The following NOS3 variants were observed in gnomAD, a reference collection of about 807,000 sequenced individuals.
The protein encoded by NOS3 is nitric oxide synthase 3.
In NOS3, 98 loss-of-function variants were observed where a neutral mutation model predicts 144.9. The ratio of observed to expected loss-of-function variants is 0.68; its 90% CI spans 0.57 to 0.80. NOS3 has a LOEUF of 0.80. Ranked by LOEUF, NOS3 falls within the 30% of genes least tolerant of loss-of-function variation. NOS3 has a pLI of 0.00. For missense variants in NOS3, 1,465 were observed against 1,656.4 expected, an observed-to-expected ratio of 0.88 and a Z score of 2.01; for synonymous variants, 714 against 702.4, an observed-to-expected ratio of 1.02 and a Z score of -0.26.
rs1350625137 is a variant in NOS3 at position 151,013,765 on chromosome 7, G to A, written c.3297G>A (p.Glu1099=). 1.2e-6 allele frequency: 2 copies of A among 1,611,310 alleles called. No homozygotes were observed. Among genetic ancestry groups the A allele is most frequent in the African/African-American group, 2.7e-5 (2 of 74,914 alleles). The change falls in exon 26 of 27, where the codon GAG becomes GAA. Residue 1099 remains glutamate (E), a synonymous_variant. Coordinates refer to ENST00000297494, the MANE Select transcript of NOS3 (RefSeq NM_000603.5). ...QDILRTELAA[E]VHRVLCLERG... ...TCCTGAGGACGGAGCTGGCTGCGGAGGTGCACCGCGTGCTGTGCCTCGAGC... is the reference window on the plus strand; with the variant it reads ...TCCTGAGGACGGAGCTGGCTGCGGAAGTGCACCGCGTGCTGTGCCTCGAGC...
Position 151,008,952 on chromosome 7 carries a change from T to C in NOS3, c.2135T>C (p.Val712Ala). Residue 712 changes from valine (V) to alanine (A), a missense_variant, in exon 18 of 27, where the codon GTG (valine) becomes GCG (alanine). This residue lies in a region of NOS3 where 745 missense variants were observed against 853.9 expected (regional missense o/e 0.87). Coordinates refer to ENST00000297494, the MANE Select transcript of NOS3 (RefSeq NM_000603.5). ...AFQAACETFCVGEDAKAAARD... is the reference protein window; with the variant it reads ...AFQAACETFCAGEDAKAAARD... ...CAGGCCGCCTGTGAGACCTTCTGTG[T>C]GGGAGAGGATGCCAAGGCCGCCGCC... is the stretch of plus-strand genomic sequence containing the variant. The C allele has an allele frequency of 3.1e-6, 5 of 1,610,230 alleles. No homozygotes were observed. Among genetic ancestry groups the C allele is most frequent in the Non-Finnish European group, 4.2e-6 (5 of 1,179,006 alleles).
In NOS3 at chr7:151,002,383, A is replaced by AACACACAC. The variant is rs3138808; in HGVS notation, c.1752+142_1752+149dup. 746 of 271,072 alleles carry AACACACAC rather than the reference A, an allele frequency of 2.8e-3. 50 individuals carry two copies. Among genetic ancestry groups the AACACACAC allele is most frequent in the African/African-American group, 5.4e-3 (132 of 24,522 alleles). The allele number at this position is 271,072 out of a possible 1,614,324, so 16.8% of individuals were successfully genotyped here. A position where few individuals can be genotyped will look rare whatever the true frequency, so the allele number is the denominator to read the frequency against. On this transcript the variant is annotated intron_variant, in intron 14 of 26. Coordinates refer to ENST00000297494, the MANE Select transcript of NOS3 (RefSeq NM_000603.5). This position sits in a 1 kb window ranked among gnomAD's most constrained non-coding sequence, Gnocchi z 4.1. ...AGTGACTGGGCAGGAACCTCTGCCC[A>AACACACAC]ACACACACACACACACACACACACA...
Position 151,003,705 on chromosome 7 carries a change from C to G in NOS3, c.1752+1401C>G, listed in dbSNP as rs1563223821. On this transcript the variant is annotated intron_variant, in intron 14 of 26. Coordinates refer to ENST00000297494, the MANE Select transcript of NOS3 (RefSeq NM_000603.5). The surrounding 1 kb of genome is among the most constrained non-coding windows in gnomAD (Gnocchi z 4.1). ...TGTCACCACAGAATAGTTTCGCCTG[C>G]TCTAGAACGGCACCTAGATGGAAGC... 1.8e-6 allele frequency: 1 copy of G among 548,338 alleles called. No homozygotes were observed. The highest frequency in any genetic ancestry group is 2.3e-5 in the Admixed American group (1 of 42,632). 34.0% of individuals were successfully genotyped at this position (548,338 alleles called of 1,614,324 possible).
Position 151,006,971 on chromosome 7 carries a change from A to G in NOS3, c.1903A>G (p.Asn635Asp). ...SWRRKRKESS[N>D]TDSAGALGTL... Reference sequence around the variant, plus strand: ...GCGGCGGAAGAGGAAGGAGTCCAGTAACACAGACAGTGCAGGGGCCCTGGG... The same window carrying G: ...GCGGCGGAAGAGGAAGGAGTCCAGTGACACAGACAGTGCAGGGGCCCTGGG... Residue 635 changes from asparagine to aspartate, a missense_variant, in exon 16 of 27, where the codon AAC (asparagine) becomes GAC (aspartate). Physicochemically the swap from Asn to Asp is conservative, Grantham distance 23. This residue lies in a region of NOS3 where 745 missense variants were observed against 853.9 expected (regional missense o/e 0.87). Coordinates refer to ENST00000297494, the MANE Select transcript of NOS3 (RefSeq NM_000603.5). 6.2e-7 allele frequency: 1 copy of G among 1,614,136 alleles called. No individual in the cohort carries two copies. The highest frequency in any genetic ancestry group is 1.3e-5 in the African/African-American group (1 of 75,044).
chr7:150,995,269 G>A lies in NOS3; in HGVS notation c.225G>A (p.Glu75=). 1 of 1,611,528 alleles carries A rather than the reference G, an allele frequency of 6.2e-7. No individual in the cohort carries two copies. Among genetic ancestry groups the A allele is most frequent in the South Asian group, 1.1e-5 (1 of 91,044 alleles). ...AGTTCCCTCGTGTGAAGAACTGGGA[G>A]GTGGGGAGCATCACCTATGACACCC... ...GPKFPRVKNW[E]VGSITYDTLS... The change falls in exon 3 of 27, where the codon GAG becomes GAA. Residue 75 remains glutamate (E), a synonymous_variant. Coordinates refer to ENST00000297494, the MANE Select transcript of NOS3 (RefSeq NM_000603.5).
At chr7:150,999,656 G>A (rs1199725651) in intron 9 of NOS3, among the ~76,000 whole-genome samples, 2 of 149,914 alleles carry the variant, frequency 1.3e-5, no homozygotes, top group Non-Finnish European at 3.0e-5. Flanking sequence ...CTGTGGGTTT[G>A]TAGGGGTGGG....
In NOS3 at chr7:151,013,785, T is replaced by G; in HGVS notation, c.3317T>G (p.Leu1106Arg). The G allele has an allele frequency of 6.2e-7, 1 of 1,611,528 alleles. No homozygotes were observed. Among genetic ancestry groups the G allele is most frequent in the Non-Finnish European group, 8.5e-7 (1 of 1,179,342 alleles). ...LAAEVHRVLC[L>R]ERGHMFVCGD... The stretch of plus-strand genomic sequence containing the variant: ...GCGGAGGTGCACCGCGTGCTGTGCC[T>G]CGAGCGGGGCCACATGTTTGTCTGC... Residue 1106 changes from leucine to arginine, a missense_variant, in exon 26 of 27, where the codon CTC (leucine) becomes CGC (arginine). Physicochemically the swap from Leu to Arg is moderately radical, Grantham distance 102 (BLOSUM62 -2). Transcript: ENST00000297494.
chr7:151,004,943 C>A (rs771311986), intron 14 of NOS3, among the ~76,000 whole-genome samples: 2 of 152,086 alleles, frequency 1.3e-5, no homozygotes, highest in Non-Finnish European at 2.9e-5. Flanking sequence ...CTGCAACCTC[C>A]GCCTCCCCGG....
chr7:151,001,157 C>T (rs1478460602), intron 10 of NOS3, 74 bp from the exon 11 acceptor site: 16 of 1,494,680 alleles, frequency 1.1e-5, no homozygotes, highest in Non-Finnish European at 1.5e-5. Flanking sequence ...TTTGGGGTGA[C>T]CGGAGTGGTG....
intron 24 of NOS3, 119 bp from the exon 25 acceptor site, chr7:151,013,108 AAAGT>A: frequency 1.9e-6 from 2 of 1,041,686 alleles, no homozygotes; most frequent in Non-Finnish European, 2.8e-6. Flanking sequence ...TGAAACAGCC[AAAGT>A]AATGGTGGTT....
chr7:151,010,177 C>T lies in NOS3; in HGVS notation c.2575C>T (p.Leu859Phe). ...RLPPCTLRQA[L>F]TFFLDITSPP... ...GCCCCCGTGCACGCTGCGCCAGGCTCTCACCTTCTTCCTGGACATCACCTC... is the reference window on the plus strand; with the variant it reads ...GCCCCCGTGCACGCTGCGCCAGGCTTTCACCTTCTTCCTGGACATCACCTC... Residue 859 changes from leucine to phenylalanine, a missense_variant, in exon 21 of 27, where the codon CTC (leucine) becomes TTC (phenylalanine). Transcript: ENST00000297494. The T allele has an allele frequency of 6.2e-7, 1 of 1,611,738 alleles. No individual in the cohort carries two copies. The highest frequency in any genetic ancestry group is 8.5e-7 in the Non-Finnish European group (1 of 1,179,618).
chr7:150,996,349 C>A, intron 3 of NOS3, 55 bp from the exon 4 acceptor site: 2 of 370,864 alleles, frequency 5.4e-6, no homozygotes, highest in Non-Finnish European at 9.4e-6. Flanking sequence ...GCCCCCAACT[C>A]CCATCCCACC....
chr7:151,009,111 A>G (rs776684280), intron 18 of NOS3, 49 bp downstream of exon 18: 1 of 1,612,342 alleles, frequency 6.2e-7, no homozygotes, highest in Non-Finnish European at 8.5e-7. Flanking sequence ...AGGCCCCCAC[A>G]CCCCGGGACT....
rs73472536 is a variant in NOS3 at position 151,000,299 on chromosome 7, G to A, written c.1132-199G>A. Among the ~76,000 whole-genome samples the A allele has an allele frequency of 0.02, 3,058 of 152,104 alleles. 78 individuals carry two copies. Among genetic ancestry groups the A allele is most frequent in the African/African-American group, 0.069 (2,843 of 41,440 alleles). On this transcript the variant is annotated intron_variant, in intron 9 of 26. Transcript: ENST00000297494. The stretch of plus-strand genomic sequence containing the variant: ...AAATTAAAGCCTGGAGCTGAGGAGC[G>A]ACTGGCCCAAAGTCCCTCTCTGCTC...
rs1388640688 is a variant in NOS3 at position 150,993,788 on chromosome 7, G to C, written c.-16G>C. On this transcript the variant is annotated 5_prime_UTR_variant, in exon 2 of 27. Transcript: ENST00000297494. The surrounding 1 kb of genome is among the most constrained non-coding windows in gnomAD (Gnocchi z 4.0). ...GGGCTCTGCTGGAGCAGGCAGCAGAGTGGACGCACAGTAACATGGGCAACT... is the reference window on the plus strand; with the variant it reads ...GGGCTCTGCTGGAGCAGGCAGCAGACTGGACGCACAGTAACATGGGCAACT... 1 of 1,584,624 alleles carries C rather than the reference G, an allele frequency of 6.3e-7. No individual in the cohort carries two copies. The highest frequency in any genetic ancestry group is 1.4e-5 in the African/African-American group (1 of 72,728).
At chr7:151,011,746 G>A (rs368612838) in intron 23 of NOS3, 87 of 334,418 alleles carry the variant, frequency 2.6e-4, no homozygotes, top group African/African-American at 7.6e-4. Context: ...GGCTGGTCTC[G>A]AGCTCCTGAC....
chr7:150,994,874 C>G (rs1468074679), intron 2 of NOS3, among the ~76,000 whole-genome samples: 1 of 152,200 alleles, frequency 6.6e-6, no homozygotes, highest in African/African-American at 2.4e-5. Context: ...CAGGCTCTGT[C>G]CCCCTCAGGG....
In NOS3 at chr7:151,013,750, G is replaced by A. The variant is rs768113659; in HGVS notation, c.3282G>A (p.Thr1094=). The change falls in exon 26 of 27, where the codon ACG becomes ACA. Residue 1094 remains threonine (T), a synonymous_variant. Coordinates refer to ENST00000297494, the MANE Select transcript of NOS3 (RefSeq NM_000603.5). ...PKTYVQDILR[T]ELAAEVHRVL... ...CCTACGTGCAGGACATCCTGAGGACGGAGCTGGCTGCGGAGGTGCACCGCG... is the reference window on the plus strand; with the variant it reads ...CCTACGTGCAGGACATCCTGAGGACAGAGCTGGCTGCGGAGGTGCACCGCG... 8 of 1,610,536 alleles carry A rather than the reference G, an allele frequency of 5.0e-6. No homozygotes were observed. In the East Asian group the frequency reaches 1.1e-4, roughly 23 times the overall value.
intron 21 of NOS3, 80 bp from the exon 22 acceptor site, chr7:151,010,517 C>G (rs1174551080): frequency 1.5e-6 from 2 of 1,363,904 alleles, no homozygotes; most frequent in African/African-American, 2.9e-5. Context: ...CCTAAAGAGG[C>G]TCAGTGGGGG....
Sources: gnomAD v4.1 joint callset for allele counts (sites outside exome capture counted in the v4.1 genomes callset) on GRCh38, gnomAD v4.1.1 for gene constraint, gnomAD v4.1.1 regional missense constraint, Gnocchi (gnomAD v3.1) non-coding constraint, MANE v1.5 for transcripts, NCBI Gene and HGNC (gene_info 2026-07-23, HGNC 2026-07-21) for gene names.